SRGAP2C: variants seen among roughly 807,000 people sequenced by gnomAD.
SRGAP2C encodes SLIT-ROBO Rho GTPase-activating protein 2C.
SRGAP2C carries 15 observed loss-of-function variants against 25.1 expected under a neutral mutation model. The observed-to-expected ratio is 0.60, with a 90% CI of 0.40 to 0.92. The LOEUF (loss-of-function observed/expected upper bound fraction) is 0.92. Ranked by LOEUF, SRGAP2C falls within the 40% of genes least tolerant of loss-of-function variation. The probability of loss-of-function intolerance (pLI) is 0.00; values close to 1 mark genes in which losing one functional copy is unlikely to be tolerated. For missense variants in SRGAP2C, 144 were observed against 264.4 expected (o/e 0.54, Z 3.16); for synonymous variants, 44 against 96.6 (o/e 0.46, Z 3.19).
rs587749827 is a variant in SRGAP2C, at chr1:121,211,180, G to T, written c.67+23667G>T. On this transcript the variant is annotated intron_variant, in intron 2 of 9. Transcript: ENST00000367123. ...CTTTTTATGCAACACTTTTTTTTTT[G>T]TCCTCTCAGAGACTATTTGTACTTG... is the stretch of plus-strand genomic sequence containing the variant. Among the ~76,000 whole-genome samples the T allele has an allele frequency of 2.3e-3, 339 of 149,592 alleles. 1 individual carries two copies. Among genetic ancestry groups the T allele is most frequent in the African/African-American group, 8.1e-3 (329 of 40,586 alleles).
chr1:121,361,780 T>C (rs1659198190), intron 4 of SRGAP2C: 1 of 150,946 alleles, frequency 6.6e-6, no homozygotes, highest in Non-Finnish European at 1.5e-5. Flanking sequence ...CTTTTTTTTT[T>C]TCCAGGCAAA....
At chr1:121,375,048 G>A (rs1314389051) in intron 7 of SRGAP2C, 94 bp downstream of exon 7, 4 of 666,652 alleles carry the variant, frequency 6.0e-6, no homozygotes, top group Non-Finnish European at 8.4e-6. Flanking sequence ...GGAATCTGGT[G>A]CATTTTGAGA....
At chr1:121,268,540 C>T (rs1238326290) in intron 2 of SRGAP2C, among the ~76,000 whole-genome samples, 1 of 146,988 alleles carries the variant, frequency 6.8e-6, no homozygotes, top group African/African-American at 2.5e-5. Context: ...CACAGCAATT[C>T]AGAACAAAAT....
chr1:121,308,651 AG>A (rs1277144505), intron 3 of SRGAP2C, among the ~76,000 whole-genome samples: 24 of 152,162 alleles, frequency 1.6e-4, no homozygotes, highest in African/African-American at 5.5e-4. Flanking sequence ...TGCAAAAAAA[AG>A]TATGGGCCGG....
At chr1:121,273,880 G>A (rs28548561) in intron 2 of SRGAP2C, among the ~76,000 whole-genome samples, 4 of 151,854 alleles carry the variant, frequency 2.6e-5, no homozygotes, top group East Asian at 1.9e-4. Context: ...TGAGAGTCAC[G>A]CAGCAGGGGT....
chr1:121,372,912 C>T, intron 5 of SRGAP2C, among the ~76,000 whole-genome samples: 1 of 89,568 alleles, frequency 1.1e-5, no homozygotes, highest in African/African-American at 4.4e-5. Context: ...CACATGCACA[C>T]ACACACCCAA....
At chr1:121,216,431 T>C (rs1395232296) in intron 2 of SRGAP2C, among the ~76,000 whole-genome samples, 1 of 151,848 alleles carries the variant, frequency 6.6e-6, no homozygotes, top group South Asian at 2.1e-4. Flanking sequence ...ATGGGTAAGA[T>C]TATAGATGGC....
In SRGAP2C at chr1:121,374,944, A is replaced by G; in HGVS notation, c.821A>G (p.Asp274Gly). 1 of 777,686 alleles carries G rather than the reference A, an allele frequency of 1.3e-6. No individual in the cohort carries two copies. The allele number at this position is 777,686 out of a possible 1,614,324, so 48.2% of individuals were successfully genotyped here. A position where few individuals can be genotyped will look rare whatever the true frequency, so the allele number is the denominator to read the frequency against. Residue 274 changes from aspartate to glycine, a missense_variant, in exon 7 of 10, where the codon GAC becomes GGC. This residue lies in a region of SRGAP2C where 34 missense variants were observed against 23.0 expected (regional missense o/e 1.48). Coordinates refer to ENST00000367123, the MANE Select transcript of SRGAP2C (RefSeq NM_001329984.2). ...AAGTACTACATCCATGACCTATCTG[A>G]CCTTATTGATGTAAGTGCTTAAAGC... ...VFKYYIHDLS[D>G]LIDQCCDLGY...
At chr1:121,204,291 C>T (rs1474391223) in intron 2 of SRGAP2C, among the ~76,000 whole-genome samples, 1 of 151,764 alleles carries the variant, frequency 6.6e-6, no homozygotes, top group Non-Finnish European at 1.5e-5. Flanking sequence ...TAAGTTGTCT[C>T]AATTTCCTTA....
At chr1:121,291,124 A>G (rs1480460645) in intron 3 of SRGAP2C, among the ~76,000 whole-genome samples, 5 of 130,952 alleles carry the variant, frequency 3.8e-5, no homozygotes, top group Admixed American at 7.9e-5. Flanking sequence ...AAAAAAAAAA[A>G]GTGGGGGGAG....
chr1:121,384,910 C>A (rs1341091503), intron 8 of SRGAP2C, among the ~76,000 whole-genome samples: 3 of 152,354 alleles, frequency 2.0e-5, no homozygotes, highest in African/African-American at 7.2e-5. Context: ...CTAGCTCACT[C>A]TTCTGCCAGG....
At chr1:121,189,956 C>T (rs1350631522) in intron 2 of SRGAP2C, among the ~76,000 whole-genome samples, 2 of 142,790 alleles carry the variant, frequency 1.4e-5, no homozygotes, top group Non-Finnish European at 1.5e-5. Flanking sequence ...GTCACACAGC[C>T]AAACCATGGC....
chr1:121,232,821 T>C (rs1279900902), intron 2 of SRGAP2C, among the ~76,000 whole-genome samples: 1 of 150,960 alleles, frequency 6.6e-6, no homozygotes, highest in African/African-American at 2.4e-5. Context: ...TTTAGCTTAG[T>C]TTTCTTACAT....
intron 2 of SRGAP2C, among the ~76,000 whole-genome samples, chr1:121,225,862 G>T (rs1195230817): frequency 2.9e-5 from 4 of 137,260 alleles, no homozygotes; most frequent in African/African-American, 1.1e-4. Context: ...CCGCCACCAC[G>T]CCCAGCTAAT....
intron 4 of SRGAP2C, among the ~76,000 whole-genome samples, chr1:121,346,685 G>T (rs1336423057): frequency 1.3e-5 from 2 of 152,098 alleles, no homozygotes; most frequent in African/African-American, 2.4e-5. Context: ...AGTCTTACTG[G>T]GTTTCTGAAA....
chr1:121,379,129 G>A (rs1162116328), intron 7 of SRGAP2C, among the ~76,000 whole-genome samples: 4 of 152,226 alleles, frequency 2.6e-5, no homozygotes. Flanking sequence ...GACACCATGT[G>A]CACCCAAGTC....
chr1:121,197,138 TAA>T (rs1212762381), intron 2 of SRGAP2C, among the ~76,000 whole-genome samples: 1 of 137,218 alleles, frequency 7.3e-6, no homozygotes, highest in Non-Finnish European at 1.6e-5. Context: ...CTTGAACCTG[TAA>T]AACTTATTCA....
At chr1:121,223,317 TTTA>T (rs1445232410) in intron 2 of SRGAP2C, among the ~76,000 whole-genome samples, 3 of 140,996 alleles carry the variant, frequency 2.1e-5, no homozygotes, top group East Asian at 2.3e-4. Flanking sequence ...AAATGACTTT[TTTA>T]TTATTATTAT....
At chr1:121,339,323 C>A (rs1247269853) in intron 4 of SRGAP2C, among the ~76,000 whole-genome samples, 1 of 145,886 alleles carries the variant, frequency 6.9e-6, no homozygotes, top group Non-Finnish European at 1.5e-5. Context: ...GTGATCTTGG[C>A]TCACTGCAAC....
Sources: allele counts gnomAD v4.1 joint callset (sites outside exome capture counted in the v4.1 genomes callset), GRCh38; gene constraint gnomAD v4.1.1; regional missense constraint gnomAD v4.1.1; transcripts MANE v1.5; gene names NCBI Gene and HGNC (gene_info 2026-07-23, HGNC 2026-07-21).